Variants in SPRED2 observed in about 807,000 individuals in gnomAD.
SPRED2 encodes the protein sprouty-related, EVH1 domain-containing protein 2.
A neutral mutation model predicts 43.0 loss-of-function variants in SPRED2; 47 were observed. The observed-to-expected ratio is 1.09, with a 90% CI of 0.87 to 1.40. The LOEUF (loss-of-function observed/expected upper bound fraction) is 1.40, where lower values mean the gene tolerates loss of function less well. Ranked by LOEUF, SPRED2 falls within the 40% of genes most tolerant of loss-of-function variation. The pLI is 0.00. For missense variants in SPRED2, 561 were observed against 586.4 expected (o/e 0.96, Z 0.45); for synonymous variants, 225 against 225.7 (o/e 1.00, Z 0.03).
At chr2:65,379,898 ACTTTG>A (rs1191909792) in intron 1 of SPRED2, among the ~76,000 whole-genome samples, 1 of 152,098 alleles carries the variant, frequency 6.6e-6, no homozygotes, top group Non-Finnish European at 1.5e-5. Context: ...TGAGCCTTGA[ACTTTG>A]CTTTATCGTG....
intron 1 of SPRED2, among the ~76,000 whole-genome samples, chr2:65,401,954 C>T (rs1447755130): frequency 6.6e-6 from 1 of 151,218 alleles, no homozygotes; most frequent in Admixed American, 6.6e-5. Context: ...CACACACACA[C>T]ACACACACAC....
rs372690875 is a variant in SPRED2 at position 65,416,551 on chromosome 2, TG to T, written c.26+15410del. Among the ~76,000 whole-genome samples the T allele has an allele frequency of 4.0e-4, 61 of 152,142 alleles. 1 individual carries two copies. In the East Asian group the frequency reaches 0.01, roughly 26 times the overall value. ...TATGCTAAGAAGAATGCCCAGCTGATGGGGATTAACAAGAAAAGCAGAGGGG... is the reference window on the plus strand; with the variant it reads ...TATGCTAAGAAGAATGCCCAGCTGATGGGATTAACAAGAAAAGCAGAGGGG... On this transcript the variant is annotated intron_variant, in intron 1 of 5. Transcript: ENST00000356388.
intron 1 of SPRED2, among the ~76,000 whole-genome samples, chr2:65,356,887 G>A (rs565552278): frequency 6.6e-6 from 1 of 152,150 alleles, no homozygotes; most frequent in African/African-American, 2.4e-5. Flanking sequence ...CCAGCTACTT[G>A]GGAGGCTGAG....
chr2:65,416,353 A>C (rs1676273697), intron 1 of SPRED2, among the ~76,000 whole-genome samples: 1 of 152,186 alleles, frequency 6.6e-6, no homozygotes, highest in South Asian at 2.1e-4. Flanking sequence ...TTCAGGCTGC[A>C]TGCCAACCAA....
intron 1 of SPRED2, among the ~76,000 whole-genome samples, chr2:65,374,704 C>T (rs891962803): frequency 1.3e-5 from 2 of 152,210 alleles, no homozygotes; most frequent in African/African-American, 4.8e-5. Context: ...CATTTCAGCT[C>T]TAACAGAAAT....
chr2:65,396,617 C>T (rs1675763537), intron 1 of SPRED2, among the ~76,000 whole-genome samples: 1 of 152,210 alleles, frequency 6.6e-6, no homozygotes, highest in South Asian at 2.1e-4. Flanking sequence ...AACTGAGCAA[C>T]AGGACAGAGA....
chr2:65,333,401 T>G (rs1430331864), intron 3 of SPRED2, among the ~76,000 whole-genome samples: 1 of 152,166 alleles, frequency 6.6e-6, no homozygotes, highest in East Asian at 1.9e-4. Context: ...TAGTATGTTC[T>G]GTGCAACTCC....
intron 1 of SPRED2, among the ~76,000 whole-genome samples, chr2:65,416,577 G>C (rs1676279708): frequency 1.3e-5 from 2 of 152,150 alleles, no homozygotes; most frequent in South Asian, 4.1e-4. Flanking sequence ...AAGCAGAGGG[G>C]AGGGGGGTCG....
intron 1 of SPRED2, chr2:65,366,620 T>C: frequency 1.3e-6 from 2 of 1,553,348 alleles, no homozygotes; most frequent in Non-Finnish European, 8.7e-7. Flanking sequence ...CTCTACATTG[T>C]GGAGCCCGAG....
chr2:65,377,779 C>T (rs74944056), intron 1 of SPRED2: 5,997 of 459,676 alleles, frequency 0.013, 297 homozygotes, highest in African/African-American at 0.11. Context: ...GTCAAAGCGG[C>T]AGTCCTCAGC....
At chr2:65,310,461 AC>A (rs1280069005), downstream of SPRED2, among the ~76,000 whole-genome samples, 1 of 26,614 alleles carries the variant, frequency 3.8e-5, no homozygotes, top group Non-Finnish European at 7.0e-5. Context: ...TCCAAACTAC[AC>A]ACACACACAC....
rs116060134 is a variant in SPRED2, at chr2:65,329,448, G to A, written c.438+2539C>T. 2.4e-3 allele frequency among the ~76,000 whole-genome samples: 361 copies of A among 152,310 alleles called. 2 individuals are homozygous for A. Among genetic ancestry groups the A allele is most frequent in the African/African-American group, 8.4e-3 (349 of 41,572 alleles). ...ACAAATGGAATGAAGGCAATTGATC[G>A]CAGACACCAGGGTCTATACAGAATA... On this transcript the variant is annotated intron_variant, in intron 4 of 5. Transcript: ENST00000356388.
At position 65,311,521 on chromosome 2, in the gene SPRED2, T is replaced by C. The variant is rs1384160503; in HGVS notation, c.*1980A>G. ...GGAAACGAACATTAGTGTTGTGCTT[T>C]GTAGAGAAGAGACCCTAGAGAAAGA... On this transcript the variant is annotated 3_prime_UTR_variant, in exon 6 of 6. Transcript: ENST00000356388. 7 of 985,746 alleles carry C rather than the reference T, an allele frequency of 7.1e-6. No individual in the cohort carries two copies. Among genetic ancestry groups the C allele is most frequent in the Non-Finnish European group, 7.2e-6 (6 of 829,940 alleles). 61.1% of individuals were successfully genotyped at this position (985,746 alleles called of 1,614,324 possible). A position where few individuals can be genotyped will look rare whatever the true frequency, so the allele number is the denominator to read the frequency against.
intron 1 of SPRED2, among the ~76,000 whole-genome samples, chr2:65,371,089 G>GT (rs1675115376): frequency 6.6e-6 from 1 of 152,210 alleles, no homozygotes; most frequent in Admixed American, 6.6e-5. Context: ...GTCGCTGCCC[G>GT]TAAGAGCTCA....
At chr2:65,404,698 C>A (rs1572897047) in intron 1 of SPRED2, among the ~76,000 whole-genome samples, 1 of 152,234 alleles carries the variant, frequency 6.6e-6, no homozygotes, top group African/African-American at 2.4e-5. Context: ...AGACCCCCAA[C>A]TTTGGGACAC....
intron 1 of SPRED2, among the ~76,000 whole-genome samples, chr2:65,365,520 C>G (rs976453367): frequency 1.3e-5 from 2 of 152,204 alleles, no homozygotes; most frequent in Admixed American, 1.3e-4. Flanking sequence ...ATTTTTCCAG[C>G]TTGGTAACCC....
rs74499975 is a variant in SPRED2, at chr2:65,415,570, T to C, written c.26+16392A>G. 1.2e-4 allele frequency among the ~76,000 whole-genome samples: 19 copies of C among 152,332 alleles called. 1 individual carries two copies. The East Asian group carries it at 3.7e-3, about 29-fold the overall frequency. ...ACCTCTATATTTACTGCTTTAACCA[T>C]TAAAATAGCTAAATTCATATCCTAA... On this transcript the variant is annotated intron_variant, in intron 1 of 5. Transcript: ENST00000356388.
chr2:65,307,950 GC>G (rs1334957223), downstream of SPRED2, among the ~76,000 whole-genome samples: 7 of 96,062 alleles, frequency 7.3e-5, no homozygotes, highest in South Asian at 6.8e-4. Context: ...CACACCCCCC[GC>G]CCCCCCCATT....
chr2:65,420,517 C>G (rs1002624339), intron 1 of SPRED2, among the ~76,000 whole-genome samples: 1 of 152,234 alleles, frequency 6.6e-6, no homozygotes, highest in African/African-American at 2.4e-5. Context: ...TAAGCACTGA[C>G]AAGTGATGGA....
Sources: allele counts gnomAD v4.1 joint callset (sites outside exome capture counted in the v4.1 genomes callset), GRCh38; gene constraint gnomAD v4.1.1; transcripts MANE v1.5; gene names NCBI Gene and HGNC (gene_info 2026-07-23, HGNC 2026-07-21).